Variants in ADPRHL1 observed in about 807,000 individuals in gnomAD.
The protein encoded by ADPRHL1 is inactive ADP-ribosyltransferase ARH2.
In ADPRHL1, 43 loss-of-function variants were observed where a neutral mutation model predicts 44.1. The observed-to-expected ratio is 0.98, with a 90% CI of 0.76 to 1.26. The LOEUF is 1.26. ADPRHL1 is among the 50% of genes most tolerant of loss of function. The pLI is 0.00. For synonymous variants in ADPRHL1, 878 were observed against 1,017.4 expected (o/e 0.86, Z 2.61); for missense variants, 2,022 against 2,496.9 (o/e 0.81, Z 4.05).
intron 3 of ADPRHL1, 83 bp downstream of exon 3, chr13:113,433,659 C>A: frequency 1.4e-6 from 2 of 1,465,384 alleles, no homozygotes; most frequent in South Asian, 1.3e-5. Flanking sequence ...CGCCCCCCAC[C>A]CCACACTTAA....
At chr13:113,432,468 C>T (rs1241407062) in intron 3 of ADPRHL1, among the ~76,000 whole-genome samples, 1 of 152,190 alleles carries the variant, frequency 6.6e-6, no homozygotes, top group Admixed American at 6.5e-5. Context: ...TAATTTGCGC[C>T]CAGTTGCAGC....
intron 7 of ADPRHL1, 40 bp from the exon 8 acceptor site, chr13:113,408,260 T>C (rs1010224069): frequency 2.8e-5 from 34 of 1,231,642 alleles, no homozygotes; most frequent in Non-Finnish European, 3.4e-5. Context: ...TCATCATCAT[T>C]TTTCTCCAAG....
Position 113,406,952 on chromosome 13 carries a change from C to T in ADPRHL1, c.2330G>A (p.Gly777Asp). Reference sequence around the variant, plus strand: ...GCAAACAGTCATGGTGATTTCAGGGCCCTCCCCTGCACACTCGCCTGGGGG... The same window carrying T: ...GCAAACAGTCATGGTGATTTCAGGGTCCTCCCCTGCACACTCGCCTGGGGG... The part of the protein sequence containing the change: ...PGPPGECAGE[G>D]PEITMTVCSS... The change falls in exon 8 of 8, where the codon GGC becomes GAC. Residue 777 changes from glycine to aspartate, a missense_variant. By Grantham distance (94) the Gly-to-Asp change is moderately conservative (BLOSUM62 -1). This residue lies in a region of ADPRHL1 where 1,221 missense variants were observed against 1,517.8 expected (regional missense o/e 0.80). Transcript: ENST00000612156. The T allele has an allele frequency of 2.4e-6, 3 of 1,232,182 alleles. No individual in the cohort carries two copies. The East Asian group carries it at 9.5e-5, about 39-fold the overall frequency. The allele number at this position is 1,232,182 out of a possible 1,614,324, so 76.3% of individuals were successfully genotyped here. A position where few individuals can be genotyped will look rare whatever the true frequency, so the allele number is the denominator to read the frequency against.
At chr13:113,438,792 G>T (rs1375771681) in intron 2 of ADPRHL1, among the ~76,000 whole-genome samples, 2 of 152,134 alleles carry the variant, frequency 1.3e-5, no homozygotes, top group African/African-American at 4.8e-5. Flanking sequence ...CCAACGTGCT[G>T]GGATTATAGG....
chr13:113,435,224 CA>C (rs1566477801), intron 2 of ADPRHL1, among the ~76,000 whole-genome samples: 3 of 17,880 alleles, frequency 1.7e-4, no homozygotes, highest in Non-Finnish European at 3.0e-4. Flanking sequence ...CCCCGGGACC[CA>C]GCACCCAGGT....
intron 3 of ADPRHL1, among the ~76,000 whole-genome samples, chr13:113,431,576 T>C (rs1265521670): frequency 6.6e-6 from 1 of 152,248 alleles, no homozygotes; most frequent in African/African-American, 2.4e-5. Flanking sequence ...ACTGTGGCTC[T>C]TACTGCCAGA....
At chr13:113,414,149 G>A (rs542631761) in intron 7 of ADPRHL1, among the ~76,000 whole-genome samples, 11 of 152,102 alleles carry the variant, frequency 7.2e-5, no homozygotes, top group Admixed American at 3.3e-4. Flanking sequence ...GGGCAGGGCC[G>A]GTTTCACGTG....
chr13:113,447,501 C>T (rs1204217877), intron 1 of ADPRHL1, among the ~76,000 whole-genome samples: 1 of 149,434 alleles, frequency 6.7e-6, no homozygotes, highest in Non-Finnish European at 1.5e-5. Context: ...GGTGTCTACA[C>T]TCATGGTGTT....
Position 113,407,347 on chromosome 13 carries a change from T to C in ADPRHL1, c.1935A>G (p.Ala645=). Residue 645 remains alanine, a synonymous_variant, in exon 8 of 8, where the codon GCA becomes GCG. Coordinates refer to ENST00000612156, the MANE Select transcript of ADPRHL1 (RefSeq NM_001394807.1). ...SHCTKISHSE[A]RRPPRGEASV... is the part of the protein sequence containing the mutation. Reference sequence around the variant, plus strand: ...TGGCTTCTCCTCTGGGTGGACGCCTTGCCTCCGAGTGGCTGATTTTGGTGC... The same window carrying C: ...TGGCTTCTCCTCTGGGTGGACGCCTCGCCTCCGAGTGGCTGATTTTGGTGC... 1 of 1,231,998 alleles carries C rather than the reference T, an allele frequency of 8.1e-7. No individual in the cohort carries two copies. Among genetic ancestry groups the C allele is most frequent in the Non-Finnish European group, 1.0e-6 (1 of 988,008 alleles). 76.3% of individuals were successfully genotyped at this position (1,231,998 alleles called of 1,614,324 possible).
At chr13:113,421,198 TACCCCCGGGACACGCCC>T (rs2043917718) in intron 7 of ADPRHL1, among the ~76,000 whole-genome samples, 2 of 7,022 alleles carry the variant, frequency 2.8e-4, no homozygotes, top group African/African-American at 7.3e-4. Flanking sequence ...GGGACACCCC[TACCCCCGGGACACGCCC>T]ACCCCCAGGA....
intron 2 of ADPRHL1, among the ~76,000 whole-genome samples, chr13:113,440,488 C>G (rs1290552460): frequency 6.7e-6 from 1 of 149,674 alleles, no homozygotes; most frequent in East Asian, 1.9e-4. Context: ...TGGAGTCTCA[C>G]TCTGTGGCCT....
Position 113,409,927 on chromosome 13 carries a change from T to C in ADPRHL1, c.1062-1707A>G. 1.0e-6 allele frequency: 1 copy of C among 974,228 alleles called. No individual in the cohort carries two copies. Among genetic ancestry groups the C allele is most frequent in the East Asian group, 1.1e-4 (1 of 8,716 alleles). The allele number at this position is 974,228 out of a possible 1,614,324, so 60.3% of individuals were successfully genotyped here. On this transcript the variant is annotated intron_variant, in intron 7 of 7. Coordinates refer to ENST00000612156, the MANE Select transcript of ADPRHL1 (RefSeq NM_001394807.1). This position sits in a 1 kb window ranked among gnomAD's most constrained non-coding sequence, Gnocchi z 4.2. ...AAAAAAAGGAAGAAGCTGAGCAGGC[T>C]GAAAAGAGACCGGAAGGAAATGTGT... is the stretch of plus-strand genomic sequence containing the variant.
At chr13:113,445,224 C>A (rs998563026) in intron 1 of ADPRHL1, among the ~76,000 whole-genome samples, 1 of 152,252 alleles carries the variant, frequency 6.6e-6, no homozygotes, top group Non-Finnish European at 1.5e-5. Context: ...GAGGCCCAGA[C>A]GTCCTCCCAC....
rs1367761473 is a variant in ADPRHL1, at chr13:113,400,903, T to C, written c.*2475A>G. On this transcript the variant is annotated 3_prime_UTR_variant, in exon 8 of 8. Transcript: ENST00000612156. ...CATCTGGAGGAGATTCTCATCATTTTTTCCACCACTTAAAATAAAACCACT... is the reference window on the plus strand; with the variant it reads ...CATCTGGAGGAGATTCTCATCATTTCTTCCACCACTTAAAATAAAACCACT... 1 of 152,240 alleles carries C rather than the reference T, an allele frequency of 6.6e-6. No homozygotes were observed. Among genetic ancestry groups the C allele is most frequent in the Non-Finnish European group, 1.5e-5 (1 of 68,040 alleles). 9.4% of individuals were successfully genotyped at this position (152,240 alleles called of 1,614,324 possible).
chr13:113,421,365 C>T (rs570523267), intron 7 of ADPRHL1, among the ~76,000 whole-genome samples: 10 of 148,658 alleles, frequency 6.7e-5, no homozygotes, highest in Admixed American at 3.4e-4. Flanking sequence ...CGGGACACCT[C>T]TACCCCTGGG....
rs1381659795 is a variant in ADPRHL1, at chr13:113,402,247, G to A, written c.*1131C>T. On this transcript the variant is annotated 3_prime_UTR_variant, in exon 8 of 8. Coordinates refer to ENST00000612156, the MANE Select transcript of ADPRHL1 (RefSeq NM_001394807.1). ...CAGAGGCCACCGAGTGGCCTGGGAC[G>A]ATGGATCGCGACACGGAGGTGCATG... The A allele has an allele frequency of 2.0e-5, 3 of 152,234 alleles. No individual in the cohort carries two copies. Among genetic ancestry groups the A allele is most frequent in the African/African-American group, 7.2e-5 (3 of 41,452 alleles). The allele number at this position is 152,234 out of a possible 1,614,324, so 9.4% of individuals were successfully genotyped here.
chr13:113,430,826 G>A (rs1271914485), intron 3 of ADPRHL1, among the ~76,000 whole-genome samples: 2 of 152,138 alleles, frequency 1.3e-5, no homozygotes, highest in Non-Finnish European at 2.9e-5. Flanking sequence ...TGCTGCCGAT[G>A]GGAGCAGCTG....
intron 1 of ADPRHL1, among the ~76,000 whole-genome samples, chr13:113,447,442 ATGG>A (rs1203944800): frequency 3.4e-5 from 5 of 149,134 alleles, no homozygotes; most frequent in African/African-American, 7.5e-5. Flanking sequence ...GTCTACACTC[ATGG>A]TGGTGTGTGT....
intron 1 of ADPRHL1, among the ~76,000 whole-genome samples, chr13:113,451,002 C>T (rs1330109208): frequency 2.6e-5 from 4 of 151,890 alleles, no homozygotes; most frequent in Non-Finnish European, 5.9e-5. Flanking sequence ...TTCCTTGCCA[C>T]CTTTTGCTAC....
Sources: allele counts gnomAD v4.1 joint callset (sites outside exome capture counted in the v4.1 genomes callset), GRCh38; gene constraint gnomAD v4.1.1; regional missense constraint gnomAD v4.1.1; non-coding constraint Gnocchi (gnomAD v3.1); transcripts MANE v1.5; gene names NCBI Gene and HGNC (gene_info 2026-07-23, HGNC 2026-07-21).